Variants in CD163L1 observed in about 807,000 individuals in gnomAD.
The protein encoded by CD163L1 is CD163 molecule like 1, also known as scavenger receptor cysteine-rich type 1 protein M160.
Under a neutral mutation model 165.4 loss-of-function variants are expected in CD163L1, and 124 were observed. The ratio of observed to expected loss-of-function variants is 0.75; its 90% CI spans 0.65 to 0.87. The LOEUF is 0.87. CD163L1 is among the 40% of genes least tolerant of loss of function. The pLI is 0.00. For missense variants in CD163L1, 1,525 were observed against 1,799.9 expected, an observed-to-expected ratio of 0.85 and a Z score of 2.76; for synonymous variants, 585 against 662.2, an observed-to-expected ratio of 0.88 and a Z score of 1.79.
chr12:7,325,554 G>A, the CD163L1 span, among the ~76,000 whole-genome samples: 1 of 152,142 alleles, frequency 6.6e-6, no homozygotes, highest in Non-Finnish European at 1.5e-5. Flanking sequence ...GGCTGAGGCA[G>A]GAGAACTGCT....
At chr12:7,430,122 A>G (rs1009615392) in intron 4 of CD163L1, among the ~76,000 whole-genome samples, 1 of 152,200 alleles carries the variant, frequency 6.6e-6, no homozygotes, top group African/African-American at 2.4e-5. Context: ...AATTCTAAAG[A>G]CTTACATTAA....
At chr12:7,381,269 GAGA>G (rs1179075051) in intron 8 of CD163L1, among the ~76,000 whole-genome samples, 3 of 152,130 alleles carry the variant, frequency 2.0e-5, no homozygotes, top group East Asian at 3.9e-4. Flanking sequence ...TATTGGCCTT[GAGA>G]AGAAGAAAAA....
chr12:7,357,281 A>G, intron 19 of CD163L1, 99 bp downstream of exon 19: 1 of 685,160 alleles, frequency 1.5e-6, no homozygotes, highest in Non-Finnish European at 2.5e-6. Context: ...CCAGTGACAT[A>G]ATATATGGTA....
chr12:7,345,131 G>GTTTTT (rs1317465014), downstream of CD163L1, among the ~76,000 whole-genome samples: 3 of 148,400 alleles, frequency 2.0e-5, no homozygotes. Flanking sequence ...TACTGATAAT[G>GTTTTT]CTTTTTTTTT....
chr12:7,387,779 T>G (rs1168249463), intron 8 of CD163L1, among the ~76,000 whole-genome samples: 2 of 152,164 alleles, frequency 1.3e-5, no homozygotes, highest in Non-Finnish European at 2.9e-5. Context: ...TTTATAGCAA[T>G]GCAAATGTAC....
At chr12:7,426,348 C>T (rs1435033372) in intron 4 of CD163L1, among the ~76,000 whole-genome samples, 1 of 151,816 alleles carries the variant, frequency 6.6e-6, no homozygotes, top group African/African-American at 2.4e-5. Context: ...GCATGTGGGG[C>T]TTAAAACCTA....
At chr12:7,335,534 A>G in the CD163L1 span, among the ~76,000 whole-genome samples, 1 of 152,164 alleles carries the variant, frequency 6.6e-6, no homozygotes, top group Non-Finnish European at 1.5e-5. Flanking sequence ...TAAAACCATA[A>G]AAACCATAAA....
At position 7,372,534 on chromosome 12, in the gene CD163L1, A is replaced by G. The variant is rs1210911771; in HGVS notation, c.3730+786T>C. Among the ~76,000 whole-genome samples, 3 of 152,056 alleles carry G rather than the reference A, an allele frequency of 2.0e-5. No individual in the cohort carries two copies. The highest frequency in any genetic ancestry group is 2.9e-5 in the Non-Finnish European group (2 of 67,940). On this transcript the variant is annotated intron_variant, in intron 14 of 19. Transcript: ENST00000313599. This position sits in a 1 kb window ranked among gnomAD's most constrained non-coding sequence, Gnocchi z 4.2. ...AAATATTGTATGCCATTTGAAGGCT[A>G]TTCATTGAAATTAGAATATATTTAC...
chr12:7,320,386 G>C, the CD163L1 span, among the ~76,000 whole-genome samples: 1 of 152,290 alleles, frequency 6.6e-6, no homozygotes, highest in Middle Eastern at 3.4e-3. Flanking sequence ...TTGGCAGGAG[G>C]TTACAAGATT....
the CD163L1 span, among the ~76,000 whole-genome samples, chr12:7,333,092 G>T: frequency 2.0e-5 from 3 of 152,024 alleles, no homozygotes; most frequent in African/African-American, 7.2e-5. Context: ...TTAACAGAAA[G>T]TTAACAAAGA....
chr12:7,432,752 G>A lies in CD163L1; in HGVS notation c.446-16C>T. The A allele has an allele frequency of 1.3e-6, 2 of 1,568,168 alleles. No individual in the cohort carries two copies. The highest frequency in any genetic ancestry group is 1.2e-5 in the South Asian group (1 of 83,370). On this transcript the variant is annotated splice_polypyrimidine_tract_variant and intron_variant, in intron 3 of 19. Transcript: ENST00000313599. The surrounding 1 kb of genome is among the most constrained non-coding windows in gnomAD (Gnocchi z 4.2). ...TTGGCTTCACCTACGAGAAAGACAA[G>A]CAGACATATGAAAAACTGATTCAAC...
At position 7,407,654 on chromosome 12, in the gene CD163L1, C is replaced by T. The variant is rs1460073106; in HGVS notation, c.767-802G>A. 6.6e-5 allele frequency among the ~76,000 whole-genome samples: 10 copies of T among 151,604 alleles called. No homozygotes were observed. The East Asian group carries it at 2.0e-3, about 30-fold the overall frequency. ...CTGAGAATTTGGATATATATATACA[C>T]ACACACACATATATATATACACACA... On this transcript the variant is annotated intron_variant, in intron 4 of 19. Coordinates refer to ENST00000313599, the MANE Select transcript of CD163L1 (RefSeq NM_174941.6).
At chr12:7,359,459 T>C (rs942495099) in intron 18 of CD163L1, among the ~76,000 whole-genome samples, 3 of 152,094 alleles carry the variant, frequency 2.0e-5, no homozygotes, top group Non-Finnish European at 4.4e-5. Flanking sequence ...GAGTATAATA[T>C]TTAGTGTGAA....
the CD163L1 span, among the ~76,000 whole-genome samples, chr12:7,330,636 G>A: frequency 3.3e-5 from 5 of 152,134 alleles, no homozygotes; most frequent in African/African-American, 2.4e-5. Context: ...TTAGAGAAAG[G>A]GTTCCTCATC....
At position 7,348,813 on chromosome 12, in the gene CD163L1, G is replaced by T. The variant is rs7296854; in HGVS notation, c.*25-1666C>A. 9.2e-3 allele frequency among the ~76,000 whole-genome samples: 1,318 copies of T among 142,972 alleles called. 21 individuals carry two copies. Among genetic ancestry groups the T allele is most frequent in the African/African-American group, 0.032 (1,261 of 38,834 alleles). The allele number at this position is 142,972 out of a possible 152,430, so 93.8% of individuals were successfully genotyped here. On this transcript the variant is annotated intron_variant, in intron 4 of 4. Transcript: ENST00000539726. ...CAAAGCAGTAATAAGTCCTTGTTAT[G>T]TTTTTTTTTTTTTTCAAAATAAATG...
chr12:7,404,498 C>T (rs1011471276), intron 5 of CD163L1, among the ~76,000 whole-genome samples: 2 of 152,126 alleles, frequency 1.3e-5, no homozygotes, highest in Non-Finnish European at 2.9e-5. Flanking sequence ...ATATACATCA[C>T]GTTACTTCTT....
chr12:7,428,855 T>A (rs1254321252), intron 4 of CD163L1, among the ~76,000 whole-genome samples: 1 of 152,116 alleles, frequency 6.6e-6, no homozygotes, highest in Non-Finnish European at 1.5e-5. Flanking sequence ...AGATCCCAGG[T>A]AGCTGGAAGA....
At chr12:7,439,116 T>C in intron 2 of CD163L1, 5 of 1,572,786 alleles carry the variant, frequency 3.2e-6, no homozygotes, top group South Asian at 1.2e-5. Flanking sequence ...CTTGCACTTT[T>C]AGTGTTTTGT....
At position 7,369,646 on chromosome 12, in the gene CD163L1, T is replaced by G; in HGVS notation, c.3750A>C (p.Gly1250=). 1 of 1,613,802 alleles carries G rather than the reference T, an allele frequency of 6.2e-7. No homozygotes were observed. The highest frequency in any genetic ancestry group is 8.5e-7 in the Non-Finnish European group (1 of 1,179,746). Residue 1250 remains glycine (G), a synonymous_variant, in exon 15 of 20, where the codon GGA becomes GGC. Coordinates refer to ENST00000313599, the MANE Select transcript of CD163L1 (RefSeq NM_174941.6). This position sits in a 1 kb window ranked among gnomAD's most constrained non-coding sequence, Gnocchi z 4.9. ...ITCEDRIRVR[G]GDTECSGRVE... The stretch of plus-strand genomic sequence containing the variant: ...CTCTCCCAGAGCACTCGGTGTCTCC[T>G]CCACGCACTCTTATTCTATCTACAA...
Sources: allele counts gnomAD v4.1 joint callset (sites outside exome capture counted in the v4.1 genomes callset), GRCh38; gene constraint gnomAD v4.1.1; non-coding constraint Gnocchi (gnomAD v3.1); transcripts MANE v1.5; gene names NCBI Gene and HGNC (gene_info 2026-07-23, HGNC 2026-07-21).